The following STX8 variants were observed in gnomAD, a reference collection of about 807,000 sequenced individuals.
STX8 encodes the protein syntaxin-8.
Under a neutral mutation model 37.5 loss-of-function variants are expected in STX8, and 23 were observed. The observed-to-expected ratio is 0.61, with a 90% confidence interval of 0.44 to 0.87. STX8 has a LOEUF of 0.87. Among genes scored for constraint, STX8 ranks in the 40% least tolerant of loss-of-function variants. STX8 has a pLI of 0.00. For synonymous variants in STX8, 115 were observed against 99.1 expected (o/e 1.16, Z -0.95); for missense variants, 313 against 284.7 (o/e 1.10, Z -0.71).
intron 5 of STX8, among the ~76,000 whole-genome samples, chr17:9,504,337 TA>T (rs771865356): frequency 3.4e-4 from 48 of 141,988 alleles, no homozygotes; most frequent in African/African-American, 6.2e-4. Flanking sequence ...TAAGAAAGTT[TA>T]AAAAAAAAAA....
At position 9,423,350 on chromosome 17, in the gene STX8, G is replaced by GTC. The variant is rs565652565; in HGVS notation, c.542-44699_542-44698dup. ...TGTTGTCGTTGTTTTTTGAGACGGA[G>GTC]TCTCTCTCTCTGTCACCCAGGCTGG... is the stretch of plus-strand genomic sequence containing the variant. On this transcript the variant is annotated intron_variant, in intron 6 of 7. Transcript: ENST00000306357. 4.4e-3 allele frequency among the ~76,000 whole-genome samples: 666 copies of GTC among 152,238 alleles called. 4 individuals are homozygous for GTC. Among genetic ancestry groups the GTC allele is most frequent in the African/African-American group, 0.015 (621 of 41,552 alleles).
chr17:9,346,137 C>G (rs1293408484), intron 7 of STX8, among the ~76,000 whole-genome samples: 1 of 152,092 alleles, frequency 6.6e-6, no homozygotes, highest in Non-Finnish European at 1.5e-5. Flanking sequence ...CAGGCGTGAG[C>G]CACCACGCCC....
intron 7 of STX8, among the ~76,000 whole-genome samples, chr17:9,310,770 G>C (rs113506960): frequency 9.2e-6 from 1 of 108,538 alleles, no homozygotes; most frequent in Non-Finnish European, 2.0e-5. Flanking sequence ...CCAAGGTCTC[G>C]ATGTTAGAGC....
In STX8 at chr17:9,305,102, A is replaced by T. The variant is rs183735842; in HGVS notation, c.644-54457T>A. ...TGAGATATTAAATATTATTATTATT[A>T]TTATTTTTTGAGATGGAGTCTCGCT... is the stretch of plus-strand genomic sequence containing the variant. On this transcript the variant is annotated intron_variant, in intron 7 of 7. Coordinates refer to ENST00000306357, the MANE Select transcript of STX8 (RefSeq NM_004853.3). Among the ~76,000 whole-genome samples the T allele has an allele frequency of 6.1e-3, 917 of 151,404 alleles. 16 individuals are homozygous for T. The highest frequency in any genetic ancestry group is 0.021 in the African/African-American group (862 of 41,200).
intron 6 of STX8, among the ~76,000 whole-genome samples, chr17:9,413,781 C>A (rs1249508752): frequency 6.6e-6 from 1 of 152,162 alleles, no homozygotes; most frequent in African/African-American, 2.4e-5. Context: ...TGACTGCCAA[C>A]ACAGATGGAG....
chr17:9,526,058 C>T (rs976082614), intron 4 of STX8, among the ~76,000 whole-genome samples: 7 of 152,258 alleles, frequency 4.6e-5, no homozygotes, highest in East Asian at 1.9e-4. Flanking sequence ...ACTGTCCCTA[C>T]GAACAGGGTA....
intron 6 of STX8, among the ~76,000 whole-genome samples, chr17:9,473,980 C>T (rs1442891402): frequency 6.6e-6 from 1 of 152,158 alleles, no homozygotes; most frequent in Admixed American, 6.5e-5. Context: ...CAACTCCCAA[C>T]CCCCAGGGAG....
chr17:9,279,054 G>T (rs1344077373), intron 7 of STX8, among the ~76,000 whole-genome samples: 1 of 105,742 alleles, frequency 9.5e-6, no homozygotes, highest in Non-Finnish European at 2.0e-5. Flanking sequence ...CTGTGTGTGT[G>T]TTTTTTGTTT....
chr17:9,472,445 C>A (rs150408667), intron 6 of STX8, among the ~76,000 whole-genome samples: 1 of 152,160 alleles, frequency 6.6e-6, no homozygotes, highest in Non-Finnish European at 1.5e-5. Flanking sequence ...TCTTGGGGAC[C>A]CCCACCGTAG....
chr17:9,500,774 G>A lies in STX8; in HGVS notation c.448+4264C>T, dbSNP rs765472506. On this transcript the variant is annotated intron_variant, in intron 5 of 7. Transcript: ENST00000306357. ...TACCAGCACTTTGGGAGGCCGAGGC[G>A]GGCAGATCACGAGGTCAGGAGATTG... 4.6e-5 allele frequency among the ~76,000 whole-genome samples: 7 copies of A among 152,200 alleles called. 1 individual carries two copies. The highest frequency in any genetic ancestry group is 7.4e-5 in the Non-Finnish European group (5 of 67,998).
At chr17:9,494,022 G>A (rs918261457) in intron 5 of STX8, among the ~76,000 whole-genome samples, 3 of 148,974 alleles carry the variant, frequency 2.0e-5, no homozygotes, top group African/African-American at 4.9e-5. Context: ...TTTTGTTGTT[G>A]TTGTTGTTTT....
chr17:9,575,676 C>A (rs1819527502), intron 1 of STX8, 116 bp downstream of exon 1: 1 of 1,276,202 alleles, frequency 7.8e-7, no homozygotes, highest in Non-Finnish European at 1.1e-6. Context: ...GGTCTCGCTG[C>A]CCCTCCCCTC....
chr17:9,520,471 A>AT (rs1417977133), intron 4 of STX8, among the ~76,000 whole-genome samples: 3 of 152,198 alleles, frequency 2.0e-5, no homozygotes, highest in Non-Finnish European at 1.5e-5. Flanking sequence ...ACAGACTTGA[A>AT]TTTTTTTAAT....
intron 6 of STX8, among the ~76,000 whole-genome samples, chr17:9,454,246 C>T (rs898437662): frequency 3.9e-5 from 6 of 152,152 alleles, no homozygotes; most frequent in African/African-American, 1.4e-4. Context: ...ACCAAGAGGG[C>T]TACCAAATGA....
In STX8 at chr17:9,299,888, C is replaced by T. The variant is rs116151480; in HGVS notation, c.644-49243G>A. The stretch of plus-strand genomic sequence containing the variant: ...TCCTTTCCTTTCAGTTTGGGTTTGC[C>T]TCAATCAACTACGTTTGCCAACACT... On this transcript the variant is annotated intron_variant, in intron 7 of 7. Coordinates refer to ENST00000306357, the MANE Select transcript of STX8 (RefSeq NM_004853.3). Among the ~76,000 whole-genome samples the T allele has an allele frequency of 4.2e-3, 639 of 152,222 alleles. 6 individuals carry two copies. The highest frequency in any genetic ancestry group is 0.014 in the African/African-American group (600 of 41,526).
chr17:9,557,600 C>CA, intron 2 of STX8, 72 bp from the exon 3 acceptor site: 1 of 1,316,082 alleles, frequency 7.6e-7, no homozygotes, highest in Non-Finnish European at 1.1e-6. Context: ...ATCACGTAAA[C>CA]ACTACTTCAC....
intron 6 of STX8, among the ~76,000 whole-genome samples, chr17:9,456,800 T>C (rs919779106): frequency 1.3e-5 from 2 of 152,280 alleles, no homozygotes; most frequent in African/African-American, 2.4e-5. Flanking sequence ...TTGTGTCTTT[T>C]ATTTTTAAAA....
chr17:9,292,004 G>T (rs923951067), intron 7 of STX8, among the ~76,000 whole-genome samples: 5 of 152,244 alleles, frequency 3.3e-5, no homozygotes, highest in African/African-American at 1.2e-4. Context: ...GAACTAAGGA[G>T]AAGTGGGATT....
chr17:9,514,552 G>A (rs1247399407), intron 4 of STX8, among the ~76,000 whole-genome samples: 1 of 152,162 alleles, frequency 6.6e-6, no homozygotes, highest in Non-Finnish European at 1.5e-5. Flanking sequence ...GTTGCAGTGA[G>A]CCAAGATTGC....
Sources: allele counts gnomAD v4.1 joint callset (sites outside exome capture counted in the v4.1 genomes callset), GRCh38; gene constraint gnomAD v4.1.1; transcripts MANE v1.5; gene names NCBI Gene and HGNC (gene_info 2026-07-23, HGNC 2026-07-21).